TF: variants seen among roughly 807,000 people sequenced by gnomAD.
The protein encoded by TF is transferrin.
A neutral mutation model predicts 82.4 loss-of-function variants in TF; 55 were observed. The observed-to-expected ratio is 0.67, with a 90% CI of 0.54 to 0.84. The LOEUF is 0.84. Among genes scored for constraint, TF ranks in the 40% least tolerant of loss-of-function variants. The pLI is 0.00. For synonymous variants in TF, 332 were observed against 332.6 expected (o/e 1.00, Z 0.02); for missense variants, 737 against 868.4 (o/e 0.85, Z 1.90).
At chr3:133,718,011 G>T in the TF span, among the ~76,000 whole-genome samples, 1 of 152,118 alleles carries the variant, frequency 6.6e-6, no homozygotes, top group South Asian at 2.1e-4. Context: ...TGGCCCCTGT[G>T]CTCCCTGATG....
chr3:133,683,287 T>C, the TF span, among the ~76,000 whole-genome samples: 1 of 152,154 alleles, frequency 6.6e-6, no homozygotes, highest in Non-Finnish European at 1.5e-5. Context: ...AGGAAGAAAC[T>C]GCATCAACTA....
rs1934504549 is a variant in TF, at chr3:133,781,003, C to T, written c.*2383C>T. ...ACTCCAGCCTAGTGACAGAGCAAGA[C>T]TCTGTCTGGAAAATAATAAAAATAA... On this transcript the variant is annotated 3_prime_UTR_variant, in exon 17 of 17. Coordinates refer to ENST00000402696, the MANE Select transcript of TF (RefSeq NM_001063.4). 1 of 151,112 alleles carries T rather than the reference C, an allele frequency of 6.6e-6. No homozygotes were observed. Among genetic ancestry groups the T allele is most frequent in the Admixed American group, 6.6e-5 (1 of 15,126 alleles). 9.4% of individuals were successfully genotyped at this position (151,112 alleles called of 1,614,324 possible).
the TF span, among the ~76,000 whole-genome samples, chr3:133,705,452 T>G: frequency 2.0e-5 from 3 of 152,178 alleles, no homozygotes; most frequent in Non-Finnish European, 4.4e-5. Context: ...ACACAGCTAA[T>G]GCAAAGGGAT....
the TF span, among the ~76,000 whole-genome samples, chr3:133,732,578 TGCTGC>T: frequency 3.9e-5 from 6 of 152,232 alleles, no homozygotes; most frequent in Non-Finnish European, 8.8e-5. Flanking sequence ...GAAATCTTGC[TGCTGC>T]GCACTGTTTG....
chr3:133,775,236 C>G (rs558180264), intron 14 of TF, 197 bp from the exon 15 acceptor site: 2 of 642,720 alleles, frequency 3.1e-6, no homozygotes, highest in African/African-American at 3.6e-5. Flanking sequence ...AATAATCATT[C>G]CTGGTCACTG....
At chr3:133,728,195 T>G in the TF span, among the ~76,000 whole-genome samples, 1 of 152,182 alleles carries the variant, frequency 6.6e-6, no homozygotes, top group Non-Finnish European at 1.5e-5. Context: ...ATCTGAATGT[T>G]GGCCTGCCTT....
At chr3:133,684,456 G>A in the TF span, among the ~76,000 whole-genome samples, 1 of 152,116 alleles carries the variant, frequency 6.6e-6, no homozygotes, top group African/African-American at 2.4e-5. Flanking sequence ...TAGACCACTA[G>A]CAAGACTAAT....
the TF span, among the ~76,000 whole-genome samples, chr3:133,729,568 T>C: frequency 1.3e-5 from 2 of 152,202 alleles, no homozygotes; most frequent in Admixed American, 1.3e-4. Flanking sequence ...TGTCACCCCT[T>C]TCCTTGACCA....
intron 2 of TF, 26 bp downstream of exon 2, chr3:133,748,610 G>A: frequency 1.2e-6 from 2 of 1,613,352 alleles, no homozygotes; most frequent in Non-Finnish European, 1.7e-6. Flanking sequence ...CTAAAAGAGA[G>A]TGGAAGAAAG....
the TF span, among the ~76,000 whole-genome samples, chr3:133,675,242 CAAAAAAAAAA>C: frequency 1.1e-4 from 6 of 55,450 alleles, no homozygotes; most frequent in South Asian, 9.8e-4. Context: ...GAGACTCTGT[CAAAAAAAAAA>C]AAAAAAAAAA....
chr3:133,768,291 C>A, intron 13 of TF, 127 bp downstream of exon 13: 1 of 1,330,790 alleles, frequency 7.5e-7, no homozygotes, highest in Non-Finnish European at 1.0e-6. Flanking sequence ...GAGTATATTT[C>A]ACAACCAGAT....
Position 133,778,717 on chromosome 3 carries a change from C to A in TF, c.*97C>A. On this transcript the variant is annotated 3_prime_UTR_variant, in exon 17 of 17. Transcript: ENST00000402696. ...ACTGGCCCAAGTGGTTTGTGCTAAC[C>A]ACGTCTGTCTTCACAGCTCTGTGTT... is the stretch of plus-strand genomic sequence containing the variant. 1 of 1,289,404 alleles carries A rather than the reference C, an allele frequency of 7.8e-7. No homozygotes were observed. The highest frequency in any genetic ancestry group is 1.1e-6 in the Non-Finnish European group (1 of 897,394). 79.9% of individuals were successfully genotyped at this position (1,289,404 alleles called of 1,614,324 possible).
the TF span, among the ~76,000 whole-genome samples, chr3:133,663,273 C>T: frequency 1.1e-4 from 16 of 152,170 alleles, no homozygotes; most frequent in South Asian, 3.1e-3. Context: ...AATTCAGAAT[C>T]CCATTGCCAT....
chr3:133,734,842 A>G, the TF span, among the ~76,000 whole-genome samples: 1 of 151,964 alleles, frequency 6.6e-6, no homozygotes, highest in Admixed American at 6.6e-5. Flanking sequence ...AAATCACACC[A>G]TGAGAACACA....
Position 133,796,046 on chromosome 3 carries a change from C to T in TF, c.*17426C>T, listed in dbSNP as rs1934961608. 6.6e-6 allele frequency: 1 copy of T among 152,504 alleles called. No homozygotes were observed. The highest frequency in any genetic ancestry group is 6.5e-5 in the Admixed American group (1 of 15,268). 9.4% of individuals were successfully genotyped at this position (152,504 alleles called of 1,614,324 possible). On this transcript the variant is annotated 3_prime_UTR_variant, in exon 17 of 17. Transcript: ENST00000402696. Reference sequence around the variant, plus strand: ...CCACAGGCCAGGTTTTGTTTTTCTCCTACAAATCTCTATAACAAACATTCC... The same window carrying T: ...CCACAGGCCAGGTTTTGTTTTTCTCTTACAAATCTCTATAACAAACATTCC...
At chr3:133,667,894 T>C in the TF span, among the ~76,000 whole-genome samples, 2 of 152,222 alleles carry the variant, frequency 1.3e-5, no homozygotes, top group Non-Finnish European at 1.5e-5. Context: ...CCCCTCATGA[T>C]AGGCCTGCAG....
chr3:133,675,455 C>T, the TF span, among the ~76,000 whole-genome samples: 106 of 152,260 alleles, frequency 7.0e-4, no homozygotes, highest in African/African-American at 2.5e-3. Context: ...ATTTGGGAAG[C>T]AAGAATTGAA....
chr3:133,665,495 GAA>G, the TF span, among the ~76,000 whole-genome samples: 1 of 147,854 alleles, frequency 6.8e-6, no homozygotes, highest in Non-Finnish European at 1.5e-5. Context: ...AAAAGAAAAA[GAA>G]AAAAAAATGT....
chr3:133,766,495 A>AG lies in TF; in HGVS notation c.1486+65dup. On this transcript the variant is annotated intron_variant, in intron 12 of 16. Transcript: ENST00000402696. ...ATGCCAGAAAGCAGGGTCCTGCCTT[A>AG]GGGAAGAGGAGTGTGGCATAAGGTG... The AG allele has an allele frequency of 1.1e-5, 18 of 1,607,884 alleles. No homozygotes were observed. The South Asian group carries it at 2.0e-4, about 18-fold the overall frequency.
Sources: gnomAD v4.1 joint callset for allele counts (sites outside exome capture counted in the v4.1 genomes callset) on GRCh38, gnomAD v4.1.1 for gene constraint, MANE v1.5 for transcripts, NCBI Gene and HGNC (gene_info 2026-07-23, HGNC 2026-07-21) for gene names.